The following CR1 variants were observed in gnomAD, a reference collection of about 807,000 sequenced individuals.
CR1 encodes complement C3b/C4b receptor 1 (Knops blood group), also known as complement receptor type 1.
A neutral mutation model predicts 187.3 loss-of-function variants in CR1; 116 were observed. That is an observed-to-expected ratio of 0.62 (90% confidence interval 0.53 to 0.72). CR1 has a LOEUF of 0.72. Among genes scored for constraint, CR1 ranks in the 30% least tolerant of loss-of-function variants. The pLI is 0.00. For missense variants in CR1, 1,731 were observed against 2,110.7 expected (o/e 0.82, Z 3.52); for synonymous variants, 576 against 747.1 (o/e 0.77, Z 3.73).
At chr1:207,520,164 C>G (rs1421267762) in intron 4 of CR1, among the ~76,000 whole-genome samples, 1 of 152,214 alleles carries the variant, frequency 6.6e-6, no homozygotes, top group African/African-American at 2.4e-5. Flanking sequence ...ATGCCAGAAG[C>G]AGGGCTTAGT....
intron 43 of CR1, 67 bp downstream of exon 43, chr1:207,620,132 T>C: frequency 1.3e-6 from 2 of 1,494,344 alleles, no homozygotes; most frequent in East Asian, 2.3e-5. Context: ...TTCATCCATA[T>C]TGGCATCAAG....
Position 207,575,680 on chromosome 1 carries a change from C to G in CR1, c.4537C>G (p.Arg1513Gly), listed in dbSNP as rs374550920. Reference sequence around the variant, plus strand: ...GAGCACGAAGCCGCCAATTTGTCAACGTGAGTTGAAATCTCTTTCCCCATT... The same window carrying G: ...GAGCACGAAGCCGCCAATTTGTCAAGGTGAGTTGAAATCTCTTTCCCCATT... ...HWSTKPPICQ[R>G]IPCGLPPTIA... The change falls in exon 28 of 47, where the codon CGA becomes GGA. Residue 1513 changes from arginine (R) to glycine (G), a missense_variant and splice_region_variant. Physicochemically the swap from Arg to Gly is moderately radical, Grantham distance 125 (BLOSUM62 -2). This residue lies in a region of CR1 where 1,312 missense variants were observed against 1,379.6 expected (regional missense o/e 0.95). Coordinates refer to ENST00000367049, the MANE Select transcript of CR1 (RefSeq NM_000651.6). 1.9e-6 allele frequency: 3 copies of G among 1,611,786 alleles called. No homozygotes were observed. The highest frequency in any genetic ancestry group is 1.7e-5 in the Admixed American group (1 of 60,014).
chr1:207,628,466 T>C (rs930630091), intron 45 of CR1, among the ~76,000 whole-genome samples: 11 of 152,246 alleles, frequency 7.2e-5, no homozygotes, highest in Admixed American at 2.0e-4. Flanking sequence ...CCATTTATTA[T>C]CTTCTTTGGT....
At chr1:207,508,723 T>G (rs1572993698) in intron 3 of CR1, among the ~76,000 whole-genome samples, 5 of 152,256 alleles carry the variant, frequency 3.3e-5, no homozygotes, top group Admixed American at 2.0e-4. Context: ...GTAAAAAGTT[T>G]TTTTTTTTTT....
rs1660902765 is a variant in CR1, at chr1:207,580,531, T to C, written c.5134T>C (p.Leu1712=). The part of the protein sequence containing the change: ...RCAVKSCDDF[L]GQLPHGRVLF... ...TCTAGTGAAATCCTGTGATGACTTC[T>C]TGGGTCAACTCCCTCATGGCCGTGT... is the stretch of plus-strand genomic sequence containing the variant. Residue 1712 remains leucine (L), a synonymous_variant, in exon 31 of 47, where the codon TTG becomes CTG. Transcript: ENST00000367049. 1 of 1,613,092 alleles carries C rather than the reference T, an allele frequency of 6.2e-7. No homozygotes were observed. Among genetic ancestry groups the C allele is most frequent in the African/African-American group, 1.3e-5 (1 of 74,770 alleles).
At chr1:207,604,423 C>T (rs756706807) in intron 35 of CR1, among the ~76,000 whole-genome samples, 1 of 152,168 alleles carries the variant, frequency 6.6e-6, no homozygotes. Context: ...AACACGTTTG[C>T]CTAAATCACC....
At chr1:207,501,919 T>C (rs1166745324) in intron 1 of CR1, among the ~76,000 whole-genome samples, 4 of 108,324 alleles carry the variant, frequency 3.7e-5, no homozygotes, top group Non-Finnish European at 1.6e-5. Flanking sequence ...TTACTCAGTG[T>C]TTTTTTTTTT....
intron 1 of CR1, among the ~76,000 whole-genome samples, chr1:207,500,087 A>G (rs1246782221): frequency 1.3e-5 from 2 of 152,250 alleles, no homozygotes; most frequent in Non-Finnish European, 2.9e-5. Flanking sequence ...CAAAAAACCT[A>G]GAAAGTATCA....
intron 1 of CR1, among the ~76,000 whole-genome samples, chr1:207,504,163 G>A (rs979043053): frequency 2.0e-5 from 3 of 152,146 alleles, no homozygotes; most frequent in Non-Finnish European, 4.4e-5. Flanking sequence ...ACTATCTGAG[G>A]TTTTGGGTAT....
At chr1:207,567,156 G>A (rs1046067933) in intron 24 of CR1, among the ~76,000 whole-genome samples, 2 of 150,328 alleles carry the variant, frequency 1.3e-5, no homozygotes, top group African/African-American at 5.0e-5. Flanking sequence ...ATCATTAGAT[G>A]CTAGAAAGGA....
At chr1:207,502,053 AT>A (rs1659286740) in intron 1 of CR1, among the ~76,000 whole-genome samples, 1 of 152,144 alleles carries the variant, frequency 6.6e-6, no homozygotes, top group Non-Finnish European at 1.5e-5. Context: ...TGGATTCTTG[AT>A]TTTTTTGAGT....
At chr1:207,600,722 C>G (rs1661579083) in intron 35 of CR1, 1 of 151,958 alleles carries the variant, frequency 6.6e-6, no homozygotes, top group South Asian at 2.1e-4. Flanking sequence ...TTTAAAAGAC[C>G]CTTTGAAATG....
At chr1:207,600,827 T>A (rs1451579157) in intron 35 of CR1, 3 of 152,148 alleles carry the variant, frequency 2.0e-5, no homozygotes, top group Admixed American at 6.5e-5. Flanking sequence ...GAGGTTAGAA[T>A]TAGAATATCG....
chr1:207,523,572 T>A, intron 4 of CR1, 39 bp from the exon 5 acceptor site: 1 of 1,612,132 alleles, frequency 6.2e-7, no homozygotes. Context: ...ATTCATTATT[T>A]AAACTGACTG....
chr1:207,625,598 G>A lies in CR1; in HGVS notation c.7352+2530G>A, dbSNP rs138834666. 2.6e-4 allele frequency among the ~76,000 whole-genome samples: 39 copies of A among 152,358 alleles called. 1 individual carries two copies. In the East Asian group the frequency reaches 6.4e-3, roughly 25 times the overall value. Reference sequence around the variant, plus strand: ...GATGAATTAATACAAGGCCAGTCACGTGGAAGAACTGGAGTTATCACTCAA... The same window carrying A: ...GATGAATTAATACAAGGCCAGTCACATGGAAGAACTGGAGTTATCACTCAA... On this transcript the variant is annotated intron_variant, in intron 45 of 46. Coordinates refer to ENST00000367049, the MANE Select transcript of CR1 (RefSeq NM_000651.6).
In CR1 at chr1:207,614,572, G is replaced by C. The variant is rs1193068184; in HGVS notation, c.6661+83G>C. 2.8e-6 allele frequency: 3 copies of C among 1,075,642 alleles called. No individual in the cohort carries two copies. In the African/African-American group the frequency reaches 4.8e-5, roughly 17 times the overall value. The allele number at this position is 1,075,642 out of a possible 1,614,324, so 66.6% of individuals were successfully genotyped here. Reference sequence around the variant, plus strand: ...GTTTTTCCGCATGGCATCACCTGTTGTCTAGATCTTTACTTAACTAAATTA... The same window carrying C: ...GTTTTTCCGCATGGCATCACCTGTTCTCTAGATCTTTACTTAACTAAATTA... On this transcript the variant is annotated intron_variant, in intron 40 of 46. Transcript: ENST00000367049.
At chr1:207,576,404 A>G (rs1660744488) in intron 28 of CR1, among the ~76,000 whole-genome samples, 1 of 152,240 alleles carries the variant, frequency 6.6e-6, no homozygotes, top group Non-Finnish European at 1.5e-5. Flanking sequence ...GTAAATCAGT[A>G]TCCAGTTCTT....
intron 27 of CR1, among the ~76,000 whole-genome samples, chr1:207,574,922 G>A (rs1660693484): frequency 1.3e-5 from 2 of 152,098 alleles, no homozygotes; most frequent in African/African-American, 4.8e-5. Flanking sequence ...GAAAAGGAAA[G>A]ACAAGGAATG....
chr1:207,513,643 C>G (rs1451542249), intron 4 of CR1, among the ~76,000 whole-genome samples: 6 of 152,144 alleles, frequency 3.9e-5, no homozygotes, highest in Non-Finnish European at 8.8e-5. Flanking sequence ...CCAAATTGGC[C>G]TGGTTGACAT....
Sources: allele counts gnomAD v4.1 joint callset (sites outside exome capture counted in the v4.1 genomes callset), GRCh38; gene constraint gnomAD v4.1.1; regional missense constraint gnomAD v4.1.1; transcripts MANE v1.5; gene names NCBI Gene and HGNC (gene_info 2026-07-23, HGNC 2026-07-21).